FRY: variants seen among roughly 807,000 people sequenced by gnomAD.
FRY encodes the protein protein furry homolog.
A neutral mutation model predicts 348.4 loss-of-function variants in FRY; 128 were observed. That is an observed-to-expected ratio of 0.37 (90% confidence interval 0.32 to 0.43). The LOEUF is 0.43. FRY is among the 20% of genes least tolerant of loss of function. The probability of loss-of-function intolerance (pLI) is 1.00; values close to 1 mark genes in which losing one functional copy is unlikely to be tolerated. For synonymous variants in FRY, 1,370 were observed against 1,374.7 expected, an observed-to-expected ratio of 1.00 and a Z score of 0.08; for missense variants, 2,736 against 3,695.2, an observed-to-expected ratio of 0.74 and a Z score of 6.73.
At chr13:32,125,701 A>C (rs1468752827) in intron 7 of FRY, among the ~76,000 whole-genome samples, 1 of 152,240 alleles carries the variant, frequency 6.6e-6, no homozygotes, top group Non-Finnish European at 1.5e-5. Context: ...AATTTTAAAA[A>C]GCACTTAGCA....
intron 17 of FRY, among the ~76,000 whole-genome samples, chr13:32,164,890 T>C (rs1247901017): frequency 6.6e-6 from 1 of 152,200 alleles, no homozygotes; most frequent in Non-Finnish European, 1.5e-5. Context: ...GTCCACAGGC[T>C]CCTTTCCTTG....
intron 14 of FRY, 49 bp downstream of exon 14, chr13:32,149,883 C>T (rs781549802): frequency 1.7e-6 from 2 of 1,149,336 alleles, no homozygotes; most frequent in Non-Finnish European, 1.3e-6. Context: ...TCTTCCGGAG[C>T]CATACCTTTG....
In FRY at chr13:32,224,337, T is replaced by A; in HGVS notation, c.4868T>A (p.Leu1623Gln). ...TGTACTGGAGGATGCTGGGCCCCCC[T>A]GGTTGACTATCTCCCGGAGACCATC... ...MPCTGGCWAP[L>Q]VDYLPETITP... Residue 1623 changes from leucine to glutamine, a missense_variant, in exon 37 of 61, where the codon CTG (leucine) becomes CAG (glutamine). Leu to Gln is a moderately radical substitution (Grantham distance 113). This residue lies in a region of FRY where 794 missense variants were observed against 977.0 expected (regional missense o/e 0.81). Coordinates refer to ENST00000542859, the MANE Select transcript of FRY (RefSeq NM_023037.3). The A allele has an allele frequency of 2.5e-6, 4 of 1,613,996 alleles. No homozygotes were observed. Among genetic ancestry groups the A allele is most frequent in the Non-Finnish European group, 2.5e-6 (3 of 1,179,958 alleles).
chr13:32,248,287 G>A (rs1020507399), intron 48 of FRY, among the ~76,000 whole-genome samples: 3 of 152,030 alleles, frequency 2.0e-5, no homozygotes, highest in African/African-American at 7.3e-5. Context: ...AATAAACCTG[G>A]TGTCAAATAC....
chr13:32,124,545 G>A, intron 5 of FRY, 57 bp from the exon 6 acceptor site: 1 of 1,019,768 alleles, frequency 9.8e-7, no homozygotes, highest in East Asian at 2.4e-5. Context: ...TGGAAGTACT[G>A]TACCGATTTG....
intron 51 of FRY, 200 bp from the exon 52 acceptor site, chr13:32,261,416 C>T: frequency 1.3e-6 from 1 of 757,624 alleles, no homozygotes; most frequent in Non-Finnish European, 2.4e-6. Context: ...CTGCCTATGA[C>T]TTCACATGAG....
intron 4 of FRY, among the ~76,000 whole-genome samples, 184 bp downstream of exon 4, chr13:32,117,657 G>A (rs569940122): frequency 1.4e-4 from 21 of 152,134 alleles, no homozygotes; most frequent in Non-Finnish European, 2.2e-4. Flanking sequence ...ACTGCCAGCC[G>A]TCACGGGTTG....
At chr13:32,126,553 C>T (rs1475932077) in intron 7 of FRY, among the ~76,000 whole-genome samples, 1 of 152,174 alleles carries the variant, frequency 6.6e-6, no homozygotes, top group Admixed American at 6.5e-5. Flanking sequence ...AGAAATGCCT[C>T]CATTTGGACA....
intron 1 of FRY, among the ~76,000 whole-genome samples, chr13:32,064,684 A>G (rs1422515864): frequency 6.6e-6 from 1 of 152,108 alleles, no homozygotes; most frequent in Non-Finnish European, 1.5e-5. Flanking sequence ...TGGCTGTTCA[A>G]CCTTTGGCTG....
chr13:32,290,163 T>C (rs1780762857), intron 59 of FRY, among the ~76,000 whole-genome samples: 1 of 152,216 alleles, frequency 6.6e-6, no homozygotes, highest in African/African-American at 2.4e-5. Context: ...TTTGGTTCTC[T>C]TCAGTTTCCC....
chr13:32,174,499 CCCTCATAATAA>C (rs1359711397), intron 19 of FRY, among the ~76,000 whole-genome samples: 11 of 152,086 alleles, frequency 7.2e-5, no homozygotes, highest in African/African-American at 1.9e-4. Context: ...TCTCATTTGA[CCCTCATAATAA>C]CCTAAGGATT....
chr13:32,042,680 G>C lies in FRY; in HGVS notation c.70+10815G>C, dbSNP rs115801211. On this transcript the variant is annotated intron_variant, in intron 1 of 60. Transcript: ENST00000542859. ...TAAGTCAGGAAGGAAGGAGGCCCAG[G>C]TTAGGGCTTTCTTGTAACAAGAAGA... Among the ~76,000 whole-genome samples, 626 of 152,324 alleles carry C rather than the reference G, an allele frequency of 4.1e-3. 8 individuals are homozygous for C. Among genetic ancestry groups the C allele is most frequent in the African/African-American group, 0.014 (598 of 41,558 alleles).
chr13:32,177,463 G>T (rs751309962), intron 20 of FRY, among the ~76,000 whole-genome samples: 2 of 152,010 alleles, frequency 1.3e-5, no homozygotes, highest in Non-Finnish European at 2.9e-5. Context: ...GTGTGGTGGC[G>T]ATTGCCTGTA....
At chr13:32,209,867 TC>T in intron 33 of FRY, 136 bp downstream of exon 33, 1 of 880,316 alleles carries the variant, frequency 1.1e-6, no homozygotes, top group Non-Finnish European at 1.8e-6. Context: ...TGTGAGCTCA[TC>T]CAGATATTAC....
chr13:32,266,007 G>C (rs908120244), intron 54 of FRY, among the ~76,000 whole-genome samples: 7 of 152,126 alleles, frequency 4.6e-5, no homozygotes, highest in Admixed American at 6.5e-5. Flanking sequence ...TACTCTTTAA[G>C]TGGGTGTCTT....
intron 1 of FRY, among the ~76,000 whole-genome samples, chr13:32,039,690 C>CT (rs1369371834): frequency 6.6e-6 from 1 of 152,150 alleles, no homozygotes; most frequent in African/African-American, 2.4e-5. Flanking sequence ...ATATCAGACT[C>CT]TGTAATGAGT....
chr13:32,183,078 A>G (rs1380229695), intron 24 of FRY, 44 bp downstream of exon 24: 1 of 1,176,498 alleles, frequency 8.5e-7, no homozygotes, highest in Non-Finnish European at 1.3e-6. Flanking sequence ...TTTTTTGGAC[A>G]ATCATCTGAA....
chr13:32,076,645 T>C (rs961186434), intron 1 of FRY, among the ~76,000 whole-genome samples: 4 of 152,216 alleles, frequency 2.6e-5, no homozygotes, highest in Admixed American at 6.5e-5. Flanking sequence ...CATCTCCTTA[T>C]GTAGTTCCTA....
chr13:32,218,160 T>G (rs979733638), intron 35 of FRY, among the ~76,000 whole-genome samples: 4 of 152,276 alleles, frequency 2.6e-5, no homozygotes, highest in African/African-American at 9.6e-5. Flanking sequence ...ATGCCCATTT[T>G]CTTTCCAAAG....
Sources: allele counts gnomAD v4.1 joint callset (sites outside exome capture counted in the v4.1 genomes callset), GRCh38; gene constraint gnomAD v4.1.1; regional missense constraint gnomAD v4.1.1; transcripts MANE v1.5; gene names NCBI Gene and HGNC (gene_info 2026-07-23, HGNC 2026-07-21).